Variants in RGS7 observed in about 807,000 individuals in gnomAD.
The protein encoded by RGS7 is regulator of G protein signaling 7.
Under a neutral mutation model 81.1 loss-of-function variants are expected in RGS7, and 27 were observed. The ratio of observed to expected loss-of-function variants is 0.33; its 90% CI spans 0.25 to 0.46. The LOEUF (loss-of-function observed/expected upper bound fraction) is 0.46. Among genes scored for constraint, RGS7 ranks in the 20% least tolerant of loss-of-function variants. The probability of loss-of-function intolerance (pLI) is 1.00; values close to 1 mark genes in which losing one functional copy is unlikely to be tolerated. For synonymous variants in RGS7, 208 were observed against 207.7 expected, an observed-to-expected ratio of 1.00 and a Z score of -0.01; for missense variants, 396 against 607.4, an observed-to-expected ratio of 0.65 and a Z score of 3.66.
chr1:240,824,239 C>T (rs1692358419), intron 10 of RGS7, among the ~76,000 whole-genome samples: 1 of 152,212 alleles, frequency 6.6e-6, no homozygotes, highest in African/African-American at 2.4e-5. Context: ...TAGATTGTTA[C>T]TTTAGGGATT....
At chr1:241,040,571 G>T (rs2447691) in intron 3 of RGS7, among the ~76,000 whole-genome samples, 102,916 of 151,796 alleles carry the variant, frequency 0.68, 35,941 homozygotes, top group East Asian at 0.96. Context: ...GCGCGATCTC[G>T]GCTCACTGCA....
At chr1:240,987,559 G>T (rs1323632040) in intron 3 of RGS7, among the ~76,000 whole-genome samples, 1 of 150,120 alleles carries the variant, frequency 6.7e-6, no homozygotes, top group Non-Finnish European at 1.5e-5. Context: ...TGAAGACAGG[G>T]TCTCACTCAG....
chr1:241,221,039 A>AAGGAAGGAAGGAAGGAAAAGAAAG (rs1553289605), intron 2 of RGS7, among the ~76,000 whole-genome samples: 7 of 92,792 alleles, frequency 7.5e-5, no homozygotes, highest in East Asian at 4.7e-4. Flanking sequence ...GGAAGGAAGG[A>AAGGAAGGAAGGAAGGAAAAGAAAG]AAAGAAAGAA....
At chr1:240,923,759 T>C (rs1204780805) in intron 6 of RGS7, among the ~76,000 whole-genome samples, 2 of 151,950 alleles carry the variant, frequency 1.3e-5, no homozygotes, top group Non-Finnish European at 2.9e-5. Context: ...ATGGATATAT[T>C]TGAAAGCACT....
At chr1:241,007,274 G>C (rs1347741591) in intron 3 of RGS7, among the ~76,000 whole-genome samples, 2 of 151,976 alleles carry the variant, frequency 1.3e-5, no homozygotes, top group Non-Finnish European at 2.9e-5. Context: ...TTTATTATAA[G>C]AACACATTAT....
At chr1:241,326,583 C>G (rs2081507388) in intron 2 of RGS7, among the ~76,000 whole-genome samples, 1 of 151,730 alleles carries the variant, frequency 6.6e-6, no homozygotes. Flanking sequence ...ACATGGAACA[C>G]CAATTAGAAA....
intron 18 of RGS7, among the ~76,000 whole-genome samples, chr1:240,794,011 G>C (rs181286357): frequency 3.3e-5 from 5 of 152,140 alleles, no homozygotes; most frequent in Admixed American, 2.6e-4. Flanking sequence ...ATGCACAAAG[G>C]CTTTCTTTAA....
At chr1:241,270,824 T>C (rs1442687449) in intron 2 of RGS7, among the ~76,000 whole-genome samples, 1 of 149,578 alleles carries the variant, frequency 6.7e-6, no homozygotes, top group Non-Finnish European at 1.5e-5. Context: ...GTTGGCGCCA[T>C]CTTGGTTCAC....
At chr1:241,126,561 G>A (rs768484932) in intron 2 of RGS7, among the ~76,000 whole-genome samples, 3 of 152,084 alleles carry the variant, frequency 2.0e-5, no homozygotes, top group Non-Finnish European at 2.9e-5. Context: ...ACTGACCTTG[G>A]GAAAGTTACT....
chr1:241,271,884 CGTGT>C lies in RGS7; in HGVS notation c.78+83811_78+83814del, dbSNP rs373357799. 0.12 allele frequency among the ~76,000 whole-genome samples: 16,509 copies of C among 140,174 alleles called. 971 individuals are homozygous for C. The highest frequency in any genetic ancestry group is 0.13 in the Non-Finnish European group (8,714 of 65,544). The allele number at this position is 140,174 out of a possible 152,430, so 92.0% of individuals were successfully genotyped here. On this transcript the variant is annotated intron_variant, in intron 2 of 18. Coordinates refer to ENST00000440928, the MANE Select transcript of RGS7 (RefSeq NM_001364886.1). This position sits in a 1 kb window ranked among gnomAD's most constrained non-coding sequence, Gnocchi z 4.6. Reference sequence around the variant, plus strand: ...AATCACACAAGCCAAATCTTTATAACGTGTGTGTGTGTGTGTGTGTGTGTGTGTG... The same window carrying C: ...AATCACACAAGCCAAATCTTTATAACGTGTGTGTGTGTGTGTGTGTGTGTG...
intron 3 of RGS7, among the ~76,000 whole-genome samples, chr1:241,029,614 T>C (rs1482140855): frequency 6.6e-6 from 1 of 152,216 alleles, no homozygotes; most frequent in Non-Finnish European, 1.5e-5. Context: ...GCCATGCTTA[T>C]TCAATTACCT....
intron 6 of RGS7, among the ~76,000 whole-genome samples, chr1:240,929,377 G>A (rs1253052927): frequency 6.6e-6 from 1 of 152,178 alleles, no homozygotes; most frequent in African/African-American, 2.4e-5. Flanking sequence ...AAGGACCTCA[G>A]TTTTGAGGAA....
At chr1:240,890,373 G>C (rs569848842) in intron 6 of RGS7, among the ~76,000 whole-genome samples, 1 of 152,022 alleles carries the variant, frequency 6.6e-6, no homozygotes, top group African/African-American at 2.4e-5. Context: ...AAATGGTCTC[G>C]ATCTCTTGAC....
chr1:241,301,129 T>C (rs1389889338), intron 2 of RGS7, among the ~76,000 whole-genome samples: 1 of 152,232 alleles, frequency 6.6e-6, no homozygotes, highest in Non-Finnish European at 1.5e-5. Context: ...TCTTCAATGA[T>C]GAGTTAGTTG....
chr1:240,919,325 A>G (rs1438699750), intron 6 of RGS7, among the ~76,000 whole-genome samples: 1 of 152,146 alleles, frequency 6.6e-6, no homozygotes, highest in Non-Finnish European at 1.5e-5. Flanking sequence ...TGCAAAAACC[A>G]CCAACAAAAT....
In RGS7 at chr1:241,172,974, A is replaced by G. The variant is rs567905852; in HGVS notation, c.79-74212T>C. ...GAAAGCCGAGGAATTTGCTTGGCATAACTATAAAGGAAAGCATAGAGCAGC... is the reference window on the plus strand; with the variant it reads ...GAAAGCCGAGGAATTTGCTTGGCATGACTATAAAGGAAAGCATAGAGCAGC... On this transcript the variant is annotated intron_variant, in intron 2 of 18. Coordinates refer to ENST00000440928, the MANE Select transcript of RGS7 (RefSeq NM_001364886.1). Among the ~76,000 whole-genome samples, 13 of 152,326 alleles carry G rather than the reference A, an allele frequency of 8.5e-5. No homozygotes were observed. In the South Asian group the frequency reaches 2.7e-3, roughly 32 times the overall value.
intron 2 of RGS7, among the ~76,000 whole-genome samples, chr1:241,336,767 C>A (rs1349652106): frequency 6.6e-6 from 1 of 152,132 alleles, no homozygotes; most frequent in Non-Finnish European, 1.5e-5. Context: ...TTATTGCTTG[C>A]ATAACATTTT....
In RGS7 at chr1:240,776,831, T is replaced by G. The variant is rs1683024441; in HGVS notation, c.*7-618A>C. Among the ~76,000 whole-genome samples, 5 of 152,240 alleles carry G rather than the reference T, an allele frequency of 3.3e-5. No homozygotes were observed. In the South Asian group the frequency reaches 8.3e-4, roughly 25 times the overall value. ...AGTCTACTTGTTCCCTGTTTCTAGC[T>G]GTTGATGTCTTCCTGTTCTTTCCTA... On this transcript the variant is annotated intron_variant, in intron 18 of 18. Transcript: ENST00000440928.
At chr1:241,082,003 T>A (rs1486017988) in intron 3 of RGS7, among the ~76,000 whole-genome samples, 2 of 152,178 alleles carry the variant, frequency 1.3e-5, no homozygotes, top group Non-Finnish European at 2.9e-5. Context: ...CAGTTGGTAG[T>A]CAGAGAGAAG....
Sources: gnomAD v4.1 joint callset for allele counts (sites outside exome capture counted in the v4.1 genomes callset) on GRCh38, gnomAD v4.1.1 for gene constraint, Gnocchi (gnomAD v3.1) non-coding constraint, MANE v1.5 for transcripts, NCBI Gene and HGNC (gene_info 2026-07-23, HGNC 2026-07-21) for gene names.